Variants in ADGRL3 observed in about 807,000 individuals in gnomAD.
ADGRL3 encodes adhesion G protein-coupled receptor L3.
Under a neutral mutation model 153.5 loss-of-function variants are expected in ADGRL3, and 62 were observed. The observed-to-expected ratio is 0.40, with a 90% CI of 0.33 to 0.50. The LOEUF is 0.50. Among genes scored for constraint, ADGRL3 ranks in the 20% least tolerant of loss-of-function variants. ADGRL3 has a pLI of 0.47. For synonymous variants in ADGRL3, 710 were observed against 672.5 expected (o/e 1.06, Z -0.86); for missense variants, 1,641 against 1,859.4 (o/e 0.88, Z 2.16).
At position 61,934,939 on chromosome 4, in the gene ADGRL3, C is replaced by A; in HGVS notation, c.2212C>A (p.Leu738Ile). 1 of 1,613,850 alleles carries A rather than the reference C, an allele frequency of 6.2e-7. No individual in the cohort carries two copies. The highest frequency in any genetic ancestry group is 8.5e-7 in the Non-Finnish European group (1 of 1,179,820). Reference sequence around the variant, plus strand: ...TCAGCTGCGTGCGGCCACCATGTTGCTTCATACTGTGGAGGAAAGTGCTTT... The same window carrying A: ...TCAGCTGCGTGCGGCCACCATGTTGATTCATACTGTGGAGGAAAGTGCTTT... ...SDQLRAATML[L>I]HTVEESAFVL... Residue 738 changes from leucine to isoleucine, a missense_variant, in exon 14 of 27, where the codon CTT becomes ATT. This residue lies in a region of ADGRL3 where 734 missense variants were observed against 797.0 expected (regional missense o/e 0.92). Coordinates refer to ENST00000683033, the MANE Select transcript of ADGRL3 (RefSeq NM_001387552.1).
chr4:61,475,800 G>A (rs2098039959), intron 2 of ADGRL3, among the ~76,000 whole-genome samples: 1 of 152,092 alleles, frequency 6.6e-6, no homozygotes, highest in Admixed American at 6.6e-5. Flanking sequence ...TAGGCTCTAT[G>A]CATTTAGTGC....
intron 4 of ADGRL3, among the ~76,000 whole-genome samples, chr4:61,568,111 A>G (rs1042956845): frequency 6.6e-6 from 1 of 152,054 alleles, no homozygotes; most frequent in Non-Finnish European, 1.5e-5. Context: ...GAATCTAGCA[A>G]TTATGTGATT....
chr4:61,262,757 T>A (rs2092615435), intron 1 of ADGRL3, among the ~76,000 whole-genome samples: 2 of 152,300 alleles, frequency 1.3e-5, no homozygotes, highest in Non-Finnish European at 2.9e-5. Flanking sequence ...TATACAATTC[T>A]ACCAACTTAC....
intron 8 of ADGRL3, among the ~76,000 whole-genome samples, chr4:61,760,251 C>T (rs554759447): frequency 6.6e-6 from 1 of 152,178 alleles, no homozygotes; most frequent in African/African-American, 2.4e-5. Flanking sequence ...TCCCTGCCCC[C>T]AGAGGTGGAG....
At chr4:61,755,274 G>A (rs1046075248) in intron 8 of ADGRL3, among the ~76,000 whole-genome samples, 2 of 151,908 alleles carry the variant, frequency 1.3e-5, no homozygotes, top group Admixed American at 1.3e-4. Flanking sequence ...ATCCTCTCCA[G>A]CACCTGTTGT....
chr4:61,233,155 A>T (rs1299676634), intron 1 of ADGRL3, among the ~76,000 whole-genome samples: 1 of 152,226 alleles, frequency 6.6e-6, no homozygotes, highest in Admixed American at 6.5e-5. Flanking sequence ...CCTAGTAATA[A>T]TAATAACATC....
At chr4:61,923,995 C>T (rs2098782668) in intron 13 of ADGRL3, among the ~76,000 whole-genome samples, 2 of 152,124 alleles carry the variant, frequency 1.3e-5, no homozygotes, top group African/African-American at 4.8e-5. Flanking sequence ...GAAATTCTGA[C>T]AACACTTTTC....
chr4:61,449,159 C>T (rs961713273), intron 2 of ADGRL3, among the ~76,000 whole-genome samples: 4 of 151,308 alleles, frequency 2.6e-5, no homozygotes, highest in Non-Finnish European at 5.9e-5. Context: ...TTTTTTGAGA[C>T]GGAGTCTCAC....
chr4:61,262,923 C>G (rs951911355), intron 1 of ADGRL3, among the ~76,000 whole-genome samples: 7 of 152,056 alleles, frequency 4.6e-5, no homozygotes, highest in African/African-American at 1.7e-4. Context: ...TCTGGACCAG[C>G]CACCAGTTTC....
chr4:61,743,696 G>T (rs1215597839), intron 8 of ADGRL3, among the ~76,000 whole-genome samples: 1 of 152,040 alleles, frequency 6.6e-6, no homozygotes, highest in Non-Finnish European at 1.5e-5. Context: ...AGGTAAAGTG[G>T]AATTGAAAGA....
chr4:61,234,121 C>T (rs910749383), intron 1 of ADGRL3, among the ~76,000 whole-genome samples: 7 of 152,038 alleles, frequency 4.6e-5, no homozygotes, highest in African/African-American at 1.7e-4. Context: ...ATTTTGGCAC[C>T]TCCAGGCAGA....
intron 20 of ADGRL3, among the ~76,000 whole-genome samples, chr4:61,997,063 T>C (rs2099124155): frequency 6.6e-6 from 1 of 152,130 alleles, no homozygotes; most frequent in South Asian, 2.1e-4. Flanking sequence ...CTGAAATCTT[T>C]GGGACAAGAT....
In ADGRL3 at chr4:62,070,326, G is replaced by A; in HGVS notation, c.4050G>A (p.Glu1350=). ...TCCCTTCTTACCTGAACAACCATGAGCGCTCCAGTGAACAGAACAGGAATC... is the reference window on the plus strand; with the variant it reads ...TCCCTTCTTACCTGAACAACCATGAACGCTCCAGTGAACAGAACAGGAATC... The part of the protein sequence containing the change: ...NYIPSYLNNH[E]RSSEQNRNLM... The change falls in exon 27 of 27, where the codon GAG becomes GAA. Residue 1350 remains glutamate (E), a synonymous_variant. Transcript: ENST00000683033. 1 of 1,553,760 alleles carries A rather than the reference G, an allele frequency of 6.4e-7. No homozygotes were observed. The highest frequency in any genetic ancestry group is 1.2e-5 in the South Asian group (1 of 84,468).
intron 7 of ADGRL3, among the ~76,000 whole-genome samples, chr4:61,731,341 T>C (rs1236038539): frequency 6.6e-6 from 1 of 152,102 alleles, no homozygotes; most frequent in Non-Finnish European, 1.5e-5. Context: ...ATTGCATCTA[T>C]GCTTATAGTT....
chr4:62,055,327 C>T (rs548981605), intron 25 of ADGRL3, among the ~76,000 whole-genome samples: 5 of 151,806 alleles, frequency 3.3e-5, no homozygotes, highest in South Asian at 4.1e-4. Context: ...GAAAATATGT[C>T]ATTGAAATCC....
chr4:61,282,448 T>A (rs2093757685), intron 1 of ADGRL3, among the ~76,000 whole-genome samples: 1 of 152,070 alleles, frequency 6.6e-6, no homozygotes, highest in Non-Finnish European at 1.5e-5. Flanking sequence ...TATTTTAATA[T>A]TCATATAAGA....
chr4:62,063,457 G>A, intron 25 of ADGRL3: 1 of 632,220 alleles, frequency 1.6e-6, no homozygotes, highest in African/African-American at 1.9e-5. Context: ...ACATTTGCCT[G>A]ATTGACCTTT....
intron 9 of ADGRL3, among the ~76,000 whole-genome samples, chr4:61,839,354 C>A (rs1029164992): frequency 2.6e-5 from 4 of 151,794 alleles, no homozygotes; most frequent in African/African-American, 9.7e-5. Context: ...CCATGCCCAG[C>A]TAATTTTTTT....
rs184350895 is a variant in ADGRL3, at chr4:61,983,529, C to A, written c.3162C>A (p.Val1054=). The change falls in exon 19 of 27, where the codon GTC becomes GTA. Residue 1054 remains valine, a synonymous_variant. Coordinates refer to ENST00000683033, the MANE Select transcript of ADGRL3 (RefSeq NM_001387552.1). ...CACGTAGGAAATACTTTTATCTGGT[C>A]GGCTATGGGATGCCTGCACTCATTG... ...EHSRRKYFYL[V]GYGMPALIVA... 9.9e-6 allele frequency: 16 copies of A among 1,613,860 alleles called. No individual in the cohort carries two copies. The highest frequency in any genetic ancestry group is 1.3e-5 in the African/African-American group (1 of 75,024).
Sources: gnomAD v4.1 joint callset for allele counts (sites outside exome capture counted in the v4.1 genomes callset) on GRCh38, gnomAD v4.1.1 for gene constraint, gnomAD v4.1.1 regional missense constraint, MANE v1.5 for transcripts, NCBI Gene and HGNC (gene_info 2026-07-23, HGNC 2026-07-21) for gene names.